Variants in MAPK10 observed in about 807,000 individuals in gnomAD.
The protein encoded by MAPK10 is mitogen-activated protein kinase 10.
A neutral mutation model predicts 59.3 loss-of-function variants in MAPK10; 25 were observed. That is an observed-to-expected ratio of 0.42 (90% CI 0.31 to 0.59). The LOEUF (loss-of-function observed/expected upper bound fraction) is 0.59, where lower values mean the gene tolerates loss of function less well. Among genes scored for constraint, MAPK10 ranks in the 20% least tolerant of loss-of-function variants. The pLI is 0.15. For missense variants in MAPK10, 351 were observed against 568.9 expected, an observed-to-expected ratio of 0.62 and a Z score of 3.90; for synonymous variants, 190 against 200.5, an observed-to-expected ratio of 0.95 and a Z score of 0.44.
intron 1 of MAPK10, among the ~76,000 whole-genome samples, chr4:86,472,658 A>C (rs1752753997): frequency 6.6e-6 from 1 of 152,206 alleles, no homozygotes; most frequent in African/African-American, 2.4e-5. Context: ...CTCCAAAAAA[A>C]AAAAGTTGCA....
Position 86,084,424 on chromosome 4 carries a change from T to C in MAPK10, c.802+14100A>G, listed in dbSNP as rs140687408. Among the ~76,000 whole-genome samples, 221 of 152,240 alleles carry C rather than the reference T, an allele frequency of 1.5e-3. 2 individuals are homozygous for C. The highest frequency in any genetic ancestry group is 0.012 in the Admixed American group (179 of 15,286). On this transcript the variant is annotated intron_variant, in intron 9 of 13. Coordinates refer to ENST00000641462, the MANE Select transcript of MAPK10 (RefSeq NM_138982.4). ...AAAGTTGCAGGATTCAAAATCAACA[T>C]ACAAAAATCAGTAGCATTTCTATAT...
chr4:86,481,505 A>G (rs1413344543), intron 1 of MAPK10, among the ~76,000 whole-genome samples: 2 of 151,872 alleles, frequency 1.3e-5, no homozygotes, highest in East Asian at 3.9e-4. Flanking sequence ...TAGCCATGCA[A>G]TCCCTCTTGC....
At chr4:86,059,749 G>C (rs140924856) in intron 11 of MAPK10, among the ~76,000 whole-genome samples, 1 of 152,052 alleles carries the variant, frequency 6.6e-6, no homozygotes, top group Non-Finnish European at 1.5e-5. Context: ...GGAGGATGTC[G>C]TGTGTCCTTA....
chr4:86,023,439 T>G (rs966544632), intron 13 of MAPK10, among the ~76,000 whole-genome samples: 8 of 152,180 alleles, frequency 5.3e-5, no homozygotes, highest in African/African-American at 1.9e-4. Context: ...CACACAAATT[T>G]TAAGATGGGG....
At chr4:86,286,553 A>G (rs2095019993) in intron 2 of MAPK10, among the ~76,000 whole-genome samples, 1 of 152,168 alleles carries the variant, frequency 6.6e-6, no homozygotes, top group Admixed American at 6.5e-5. Context: ...TATTATCCTC[A>G]TTTTACAGAT....
intron 4 of MAPK10, among the ~76,000 whole-genome samples, chr4:86,121,025 T>C (rs1434359018): frequency 6.6e-6 from 1 of 152,248 alleles, no homozygotes; most frequent in Non-Finnish European, 1.5e-5. Flanking sequence ...TATATATTCT[T>C]GGTCACAACC....
chr4:86,258,544 A>G (rs1275582370), intron 2 of MAPK10, among the ~76,000 whole-genome samples: 1 of 152,200 alleles, frequency 6.6e-6, no homozygotes, highest in Non-Finnish European at 1.5e-5. Flanking sequence ...ACTGGTAGAA[A>G]GAATAGTGCA....
At position 86,079,027 on chromosome 4, in the gene MAPK10, G is replaced by A. The variant is rs535703177; in HGVS notation, c.803-11072C>T. Among the ~76,000 whole-genome samples the A allele has an allele frequency of 1.2e-4, 19 of 152,060 alleles. No homozygotes were observed. The South Asian group carries it at 3.3e-3, about 27-fold the overall frequency. On this transcript the variant is annotated intron_variant, in intron 9 of 13. Transcript: ENST00000641462. ...AAAAAGAAAAAGAAAAATGTTTTTA[G>A]GGTATTTTTTATTTGAAAATGTTCT...
rs540622982 is a variant in MAPK10, at chr4:86,359,639, C to A, written c.-122+19G>T. 7.1e-6 allele frequency: 7 copies of A among 982,364 alleles called. No homozygotes were observed. In the South Asian group the frequency reaches 2.8e-4, roughly 40 times the overall value. The allele number at this position is 982,364 out of a possible 1,614,324, so 60.9% of individuals were successfully genotyped here. On this transcript the variant is annotated intron_variant, in intron 1 of 13. Transcript: ENST00000641462. ...TCCAAAAACAGGTTAGAACCCAGAA[C>A]GAGCAAAGAGCCACCTACCATTCCG...
intron 2 of MAPK10, among the ~76,000 whole-genome samples, chr4:86,295,514 G>T (rs2095338593): frequency 1.3e-5 from 2 of 151,862 alleles, no homozygotes; most frequent in African/African-American, 2.4e-5. Flanking sequence ...TTTGTTCTGT[G>T]TTCACTGCTA....
At position 86,067,767 on chromosome 4, in the gene MAPK10, G is replaced by C; in HGVS notation, c.985+6C>G. The C allele has an allele frequency of 6.2e-7, 1 of 1,605,876 alleles. No individual in the cohort carries two copies. The highest frequency in any genetic ancestry group is 8.5e-7 in the Non-Finnish European group (1 of 1,175,702). On this transcript the variant is annotated splice_donor_region_variant and intron_variant, in intron 10 of 13. Coordinates refer to ENST00000641462, the MANE Select transcript of MAPK10 (RefSeq NM_138982.4). ...GTTGTCCTCAAGTCATTCCTGAAGG[G>C]CATACCTTTGAGTTTATTGTGCTCG... is the stretch of plus-strand genomic sequence containing the variant.
intron 4 of MAPK10, among the ~76,000 whole-genome samples, chr4:86,115,773 T>G (rs2058212414): frequency 6.6e-6 from 1 of 152,192 alleles, no homozygotes; most frequent in South Asian, 2.1e-4. Flanking sequence ...GAGCTGCTTC[T>G]AATCAGCCAT....
intron 1 of MAPK10, among the ~76,000 whole-genome samples, chr4:86,492,018 C>G (rs1754492411): frequency 6.6e-6 from 1 of 152,160 alleles, no homozygotes; most frequent in Non-Finnish European, 1.5e-5. Context: ...TTCAATTTTT[C>G]TGCAGACAGC....
At chr4:86,222,110 G>A (rs1383540743) in intron 2 of MAPK10, among the ~76,000 whole-genome samples, 1 of 152,050 alleles carries the variant, frequency 6.6e-6, no homozygotes, top group Admixed American at 6.6e-5. Context: ...GTTTCCTGAG[G>A]CCTCCCCAGA....
intron 1 of MAPK10, among the ~76,000 whole-genome samples, chr4:86,507,327 AT>A (rs559589494): frequency 4.6e-5 from 7 of 151,894 alleles, no homozygotes; most frequent in African/African-American, 1.7e-4. Context: ...ACCAAATACA[AT>A]TTGGCTATAT....
chr4:86,055,562 C>T (rs1199752240), intron 11 of MAPK10, among the ~76,000 whole-genome samples: 2 of 149,758 alleles, frequency 1.3e-5, no homozygotes, highest in African/African-American at 5.0e-5. Flanking sequence ...GGGAAACTTA[C>T]TAAAACTGTG....
chr4:86,178,644 T>C (rs1490417537), intron 3 of MAPK10, among the ~76,000 whole-genome samples: 1 of 152,142 alleles, frequency 6.6e-6, no homozygotes, highest in Non-Finnish European at 1.5e-5. Context: ...GCCCACTCTT[T>C]CCACTATTAT....
At chr4:86,099,404 C>G (rs1350849697) in intron 8 of MAPK10, 1 of 152,160 alleles carries the variant, frequency 6.6e-6, no homozygotes. Context: ...CAATCTTTAC[C>G]CCTTTCCAAC....
chr4:86,447,869 C>A lies in MAPK10; in HGVS notation c.-122+5161G>T, dbSNP rs914374172. Among the ~76,000 whole-genome samples, 3 of 152,148 alleles carry A rather than the reference C, an allele frequency of 2.0e-5. 1 individual carries two copies. On this transcript the variant is annotated intron_variant, in intron 1 of 13. Coordinates refer to the MAPK10 transcript ENST00000361569. ...TAGAGTTAATTCTTTCTTTTTTACACCTACCTAGAATTCCACAAGCATGGG... is the reference window on the plus strand; with the variant it reads ...TAGAGTTAATTCTTTCTTTTTTACAACTACCTAGAATTCCACAAGCATGGG...
Sources: allele counts gnomAD v4.1 joint callset (sites outside exome capture counted in the v4.1 genomes callset), GRCh38; gene constraint gnomAD v4.1.1; transcripts MANE v1.5; gene names NCBI Gene and HGNC (gene_info 2026-07-23, HGNC 2026-07-21).